LIMD1: variants seen among roughly 807,000 people sequenced by gnomAD.
LIMD1 encodes LIM domain-containing protein 1.
A neutral mutation model predicts 58.4 loss-of-function variants in LIMD1; 23 were observed. The ratio of observed to expected loss-of-function variants is 0.39; its 90% CI spans 0.28 to 0.56. LIMD1 has a LOEUF of 0.56. Ranked by LOEUF, LIMD1 falls within the 20% of genes least tolerant of loss-of-function variation. The probability of loss-of-function intolerance (pLI) is 0.57; values close to 1 mark genes in which losing one functional copy is unlikely to be tolerated. For synonymous variants in LIMD1, 334 were observed against 345.5 expected, an observed-to-expected ratio of 0.97 and a Z score of 0.37; for missense variants, 838 against 855.5, an observed-to-expected ratio of 0.98 and a Z score of 0.25.
chr3:45,673,635 T>G, intron 6 of LIMD1, 130 bp downstream of exon 6: 1 of 831,362 alleles, frequency 1.2e-6, no homozygotes, highest in South Asian at 1.4e-5. Flanking sequence ...AACTCTGGCC[T>G]GGTGCAGTGG....
intron 2 of LIMD1, among the ~76,000 whole-genome samples, chr3:45,649,063 T>C (rs956917634): frequency 2.0e-5 from 3 of 152,222 alleles, no homozygotes; most frequent in African/African-American, 7.2e-5. Context: ...ATTTATCTAC[T>C]TTTTTTCTTT....
chr3:45,635,988 G>C lies in LIMD1; in HGVS notation c.1409-162G>C, dbSNP rs74546664. On this transcript the variant is annotated intron_variant, in intron 1 of 7. Transcript: ENST00000273317. ...GTTTTCTGCAGTTGAAAGAGTGACA[G>C]AGGGAGAGGGAGAGAAAGACACTTC... 209 of 985,290 alleles carry C rather than the reference G, an allele frequency of 2.1e-4. No homozygotes were observed. In the East Asian group the frequency reaches 0.012, roughly 55 times the overall value. 61.0% of individuals were successfully genotyped at this position (985,290 alleles called of 1,614,324 possible). A position where few individuals can be genotyped will look rare whatever the true frequency, so the allele number is the denominator to read the frequency against.
intron 2 of LIMD1, among the ~76,000 whole-genome samples, chr3:45,638,038 T>A (rs1701806404): frequency 7.4e-6 from 1 of 134,848 alleles, no homozygotes; most frequent in East Asian, 2.2e-4. Context: ...CAACACATTC[T>A]TGTCTATAGC....
chr3:45,652,868 G>A (rs977796727), intron 2 of LIMD1, among the ~76,000 whole-genome samples: 2 of 152,204 alleles, frequency 1.3e-5, no homozygotes, highest in African/African-American at 2.4e-5. Context: ...TGATCCAGAC[G>A]ATAATAGCCT....
In LIMD1 at chr3:45,609,422, C is replaced by T. The variant is rs1701502183; in HGVS notation, c.1408+13135C>T. ...TCATAGGTGTGATCATAGTACACTA[C>T]AGCCTCAAGCTCTTGGGCTCAAGCA... On this transcript the variant is annotated intron_variant, in intron 1 of 7. Transcript: ENST00000273317. Among the ~76,000 whole-genome samples, 3 of 152,228 alleles carry T rather than the reference C, an allele frequency of 2.0e-5. No homozygotes were observed. In the South Asian group the frequency reaches 6.2e-4, roughly 32 times the overall value.
chr3:45,622,040 C>T (rs868489092), intron 1 of LIMD1, among the ~76,000 whole-genome samples: 16 of 147,562 alleles, frequency 1.1e-4, no homozygotes, highest in African/African-American at 3.3e-4. Flanking sequence ...TCCAGTCTGG[C>T]GACAGAGCGA....
chr3:45,682,921 CT>C lies in LIMD1; in HGVS notation c.*5863del, dbSNP rs534328787. The C allele has an allele frequency of 3.6e-3, 554 of 152,444 alleles. 6 individuals are homozygous for C. The highest frequency in any genetic ancestry group is 0.034 in the South Asian group (163 of 4,838). 9.4% of individuals were successfully genotyped at this position (152,444 alleles called of 1,614,324 possible). On this transcript the variant is annotated 3_prime_UTR_variant, in exon 8 of 8. Coordinates refer to ENST00000273317, the MANE Select transcript of LIMD1 (RefSeq NM_014240.3). Reference sequence around the variant, plus strand: ...AACACAAATATATCATTCTGTCATCCTGGACACGAGCCAAAGGTTGTCGGCA... The same window carrying C: ...AACACAAATATATCATTCTGTCATCCGGACACGAGCCAAAGGTTGTCGGCA...
chr3:45,595,466 T>A lies in LIMD1; in HGVS notation c.587T>A (p.Val196Glu). 6.2e-7 allele frequency: 1 copy of A among 1,613,596 alleles called. No individual in the cohort carries two copies. The highest frequency in any genetic ancestry group is 8.5e-7 in the Non-Finnish European group (1 of 1,179,784). Residue 196 changes from valine to glutamate, a missense_variant, in exon 1 of 8, where the codon GTG becomes GAG. Physicochemically the swap from Val to Glu is moderately radical, Grantham distance 121. Around this residue, in one of 3 missense-constraint regions of LIMD1, gnomAD observed 659 missense variants for 639.8 expected, o/e 1.03. Transcript: ENST00000273317. ...CCAAAGTGGGGTGACAAACCAGGAG[T>A]GTCCCCCAGCATCGGCCTGAGTGTA... ...ASPKWGDKPG[V>E]SPSIGLSVGS...
intron 2 of LIMD1, among the ~76,000 whole-genome samples, chr3:45,649,709 C>CACATAT (rs1553645414): frequency 2.6e-4 from 35 of 135,178 alleles, no homozygotes; most frequent in East Asian, 1.2e-3. Flanking sequence ...TATATGTATA[C>CACATAT]ATATATATAT....
At chr3:45,613,949 A>G (rs1677651710) in intron 1 of LIMD1, among the ~76,000 whole-genome samples, 1 of 152,136 alleles carries the variant, frequency 6.6e-6, no homozygotes, top group South Asian at 2.1e-4. Context: ...GCATTCCCAC[A>G]GCAGTGTGAA....
chr3:45,652,917 C>T (rs918779141), intron 2 of LIMD1, among the ~76,000 whole-genome samples: 4 of 152,116 alleles, frequency 2.6e-5, no homozygotes, highest in Admixed American at 2.0e-4. Flanking sequence ...AAGACAAAGA[C>T]TTTGGAGTGG....
intron 2 of LIMD1, among the ~76,000 whole-genome samples, chr3:45,654,812 CA>C (rs1227980901): frequency 0.069 from 3,877 of 56,468 alleles, 90 homozygotes; most frequent in African/African-American, 0.21. Context: ...GACCCTGTCT[CA>C]AAAAAAAAAA....
intron 2 of LIMD1, 98 bp downstream of exon 2, chr3:45,636,349 T>C: frequency 1.2e-6 from 1 of 861,292 alleles, no homozygotes; most frequent in Non-Finnish European, 1.8e-6. Flanking sequence ...AGACGGTTGG[T>C]CCATGGCCCT....
intron 2 of LIMD1, among the ~76,000 whole-genome samples, chr3:45,661,146 C>T (rs1203488082): frequency 6.6e-6 from 1 of 152,160 alleles, no homozygotes; most frequent in Non-Finnish European, 1.5e-5. Context: ...CATGCACCCC[C>T]ACCCACATTC....
At chr3:45,604,218 C>T (rs895123090) in intron 1 of LIMD1, among the ~76,000 whole-genome samples, 1 of 152,288 alleles carries the variant, frequency 6.6e-6, no homozygotes, top group African/African-American at 2.4e-5. Flanking sequence ...TGTATGTCCT[C>T]CTGGGCTGGA....
chr3:45,628,407 C>T (rs1308118182), intron 1 of LIMD1, among the ~76,000 whole-genome samples: 1 of 152,178 alleles, frequency 6.6e-6, no homozygotes, highest in African/African-American at 2.4e-5. Context: ...GATGCTCACA[C>T]ACAACATCAG....
chr3:45,676,902 A>G lies in LIMD1; in HGVS notation c.1894-20A>G. 6.2e-7 allele frequency: 1 copy of G among 1,613,702 alleles called. No individual in the cohort carries two copies. The highest frequency in any genetic ancestry group is 8.5e-7 in the Non-Finnish European group (1 of 1,179,718). On this transcript the variant is annotated intron_variant, in intron 7 of 7. Transcript: ENST00000273317. ...GTCTGTTTTGTTTTGCTTCCCCTGG[A>G]CATGTCTGCCTCCCCACAGGACTGT...
At chr3:45,630,511 G>A (rs930231746) in intron 1 of LIMD1, among the ~76,000 whole-genome samples, 3 of 152,228 alleles carry the variant, frequency 2.0e-5, no homozygotes, top group Admixed American at 6.5e-5. Context: ...CAGAAGGGCA[G>A]GAGGAGCTGC....
intron 1 of LIMD1, among the ~76,000 whole-genome samples, chr3:45,621,912 A>G (rs1701631636): frequency 6.6e-6 from 1 of 152,034 alleles, no homozygotes; most frequent in Admixed American, 6.6e-5. Flanking sequence ...AAAATACAAA[A>G]GTTAGCCAGG....
Sources: allele counts gnomAD v4.1 joint callset (sites outside exome capture counted in the v4.1 genomes callset), GRCh38; gene constraint gnomAD v4.1.1; regional missense constraint gnomAD v4.1.1; transcripts MANE v1.5; gene names NCBI Gene and HGNC (gene_info 2026-07-23, HGNC 2026-07-21).